Variants in ISLR2 observed in about 807,000 individuals in gnomAD.
The protein encoded by ISLR2 is immunoglobulin superfamily containing leucine-rich repeat protein 2.
In ISLR2, 16 loss-of-function variants were observed where a neutral mutation model predicts 25.5. The ratio of observed to expected loss-of-function variants is 0.63; its 90% CI spans 0.43 to 0.95. ISLR2 has a LOEUF of 0.95. Among genes scored for constraint, ISLR2 ranks in the 40% least tolerant of loss-of-function variants. The pLI, the probability that ISLR2 is intolerant of heterozygous loss-of-function variation, is 0.00. For missense variants in ISLR2, 883 were observed against 1,030.7 expected (o/e 0.86, Z 1.96); for synonymous variants, 508 against 486.6 (o/e 1.04, Z -0.58).
At chr15:74,139,340 C>G (rs1567167001), downstream of ISLR2, among the ~76,000 whole-genome samples, 1 of 152,194 alleles carries the variant, frequency 6.6e-6, no homozygotes, top group Non-Finnish European at 1.5e-5. Context: ...TGGTCCCCAG[C>G]CTCTGGCCTT....
At chr15:74,112,703 T>C (rs1261656059) in intron 2 of ISLR2, among the ~76,000 whole-genome samples, 3 of 152,050 alleles carry the variant, frequency 2.0e-5, no homozygotes, top group African/African-American at 7.2e-5. Context: ...AATTTTTGTA[T>C]TTTTAGTAGA....
downstream of ISLR2, among the ~76,000 whole-genome samples, chr15:74,139,323 C>T (rs1280224360): frequency 1.2e-4 from 19 of 152,238 alleles, no homozygotes; most frequent in Non-Finnish European, 2.8e-4. Flanking sequence ...TTGGCCAATG[C>T]ACAGAATGGT....
Position 74,133,089 on chromosome 15 carries a change from C to A in ISLR2, c.335C>A (p.Ser112Tyr). 6.2e-7 allele frequency: 1 copy of A among 1,612,924 alleles called. No homozygotes were observed. The highest frequency in any genetic ancestry group is 8.5e-7 in the Non-Finnish European group (1 of 1,179,982). ...CTCGATCTGAGCCACAACTTCATATCCAGCTTTCCGTGGAGCGACCTGCGC... is the reference window on the plus strand; with the variant it reads ...CTCGATCTGAGCCACAACTTCATATACAGCTTTCCGTGGAGCGACCTGCGC... The part of the protein sequence containing the change: ...KNLDLSHNFI[S>Y]SFPWSDLRNL... The change falls in exon 3 of 3, where the codon TCC becomes TAC. Residue 112 changes from serine to tyrosine, a missense_variant. Transcript: ENST00000453268.
upstream of ISLR2, chr15:74,130,310 A>T (rs923944272): frequency 6.6e-6 from 1 of 151,758 alleles, no homozygotes; most frequent in Admixed American, 6.6e-5. Context: ...AACACTATCA[A>T]TTATGCATCA....
At chr15:74,125,652 G>A (rs2072289215), upstream of ISLR2, among the ~76,000 whole-genome samples, 1 of 152,228 alleles carries the variant, frequency 6.6e-6, no homozygotes, top group African/African-American at 2.4e-5. Flanking sequence ...AAGAGCTGCT[G>A]TTAATTTTGA....
In ISLR2 at chr15:74,133,833, A is replaced by G; in HGVS notation, c.1079A>G (p.Glu360Gly). Residue 360 changes from glutamate (E) to glycine (G), a missense_variant, in exon 3 of 3, where the codon GAG becomes GGG. Transcript: ENST00000453268. ...AGVYTCRAHNELGANSTSIRV... is the reference protein window; with the variant it reads ...AGVYTCRAHNGLGANSTSIRV... ...GTCTACACTTGCCGTGCACACAATG[A>G]GCTGGGCGCCAACTCTACGTCAATA... 1.9e-6 allele frequency: 3 copies of G among 1,613,748 alleles called. No individual in the cohort carries two copies. The highest frequency in any genetic ancestry group is 1.7e-6 in the Non-Finnish European group (2 of 1,179,910).
At position 74,134,341 on chromosome 15, in the gene ISLR2, A is replaced by G. The variant is rs895970237; in HGVS notation, c.1587A>G (p.Leu529=). 1.5e-5 allele frequency: 23 copies of G among 1,580,884 alleles called. No individual in the cohort carries two copies. Among genetic ancestry groups the G allele is most frequent in the Non-Finnish European group, 2.0e-5 (23 of 1,166,320 alleles). ...GACCCGGGCGGCGACCCCTGCGCCT[A>G]CTCTATCTGTGTCCAGCGGGGGGCG... ...APRPGRRPLR[L]LYLCPAGGGA... The change falls in exon 3 of 3, where the codon CTA becomes CTG. Residue 529 remains leucine (L), a synonymous_variant. Transcript: ENST00000453268.
At chr15:74,118,644 C>CTATTATTATTATTATTATTAT (rs112112565) in intron 2 of ISLR2, among the ~76,000 whole-genome samples, 3 of 145,760 alleles carry the variant, frequency 2.1e-5, no homozygotes, top group African/African-American at 7.5e-5. Context: ...AAATCTGAAG[C>CTATTATTATTATTATTATTAT]TATTATTATT....
chr15:74,120,580 G>C (rs993991299), intron 2 of ISLR2, among the ~76,000 whole-genome samples: 12 of 151,960 alleles, frequency 7.9e-5, no homozygotes, highest in Middle Eastern at 3.2e-3. Flanking sequence ...GTAGGTGAGG[G>C]GGGTGTGGCT....
In ISLR2 at chr15:74,134,321, G is replaced by A. The variant is rs767321778; in HGVS notation, c.1567G>A (p.Gly523Arg). The A allele has an allele frequency of 3.8e-5, 59 of 1,533,496 alleles. No homozygotes were observed. Among genetic ancestry groups the A allele is most frequent in the Middle Eastern group, 1.9e-4 (1 of 5,364 alleles). The allele number at this position is 1,533,496 out of a possible 1,614,324, so 95.0% of individuals were successfully genotyped here. ...CGGGGCTGGCGGAGCCCCGCGACCC[G>A]GGCGGCGACCCCTGCGCCTACTCTA... Reference protein sequence around the residue: ...PGGAGGAPRPGRRPLRLLYLC... With the variant: ...PGGAGGAPRPRRRPLRLLYLC... Residue 523 changes from glycine to arginine, a missense_variant, in exon 3 of 3, where the codon GGG (glycine) becomes AGG (arginine). By Grantham distance (125) the Gly-to-Arg change is moderately radical (BLOSUM62 -2). Around this residue, in one of 2 missense-constraint regions of ISLR2, gnomAD observed 612 missense variants for 642.8 expected, o/e 0.95. Coordinates refer to ENST00000453268, the MANE Select transcript of ISLR2 (RefSeq NM_020851.3).
At chr15:74,127,933 G>C (rs1359689090), upstream of ISLR2, 2 of 157,406 alleles carry the variant, frequency 1.3e-5, no homozygotes, top group Non-Finnish European at 2.8e-5. Flanking sequence ...GTCTGGATTC[G>C]GCAGATTCTG....
At chr15:74,112,120 AT>A (rs886632244) in intron 2 of ISLR2, among the ~76,000 whole-genome samples, 1 of 152,258 alleles carries the variant, frequency 6.6e-6, no homozygotes, top group Non-Finnish European at 1.5e-5. Flanking sequence ...AAAATATTAA[AT>A]AAAAATAATA....
At chr15:74,118,238 T>C (rs575478916) in intron 2 of ISLR2, among the ~76,000 whole-genome samples, 1 of 152,208 alleles carries the variant, frequency 6.6e-6, no homozygotes, top group African/African-American at 2.4e-5. Context: ...ACCAGCAAGT[T>C]TTTATTAGTG....
downstream of ISLR2, chr15:74,138,593 C>T (rs944668466): frequency 1.3e-5 from 2 of 152,464 alleles, no homozygotes; most frequent in South Asian, 4.1e-4. Flanking sequence ...GAGAAATTGT[C>T]CTACAAAGAT....
rs1383033394 is a variant in ISLR2 at position 74,134,284 on chromosome 15, C to T, written c.1530C>T (p.Gly510=). 1.3e-6 allele frequency: 2 copies of T among 1,548,888 alleles called. No individual in the cohort carries two copies. The highest frequency in any genetic ancestry group is 2.4e-5 in the East Asian group (1 of 41,242). The change falls in exon 3 of 3, where the codon GGC becomes GGT. Residue 510 remains glycine (G), a synonymous_variant. Transcript: ENST00000453268. The part of the protein sequence containing the change: ...VQLTPLAARW[G]PGPGGAGGAP... Reference sequence around the variant, plus strand: ...TGACTCCGCTGGCTGCGCGCTGGGGCCCTGGGCCCGGCGGGGCTGGCGGAG... The same window carrying T: ...TGACTCCGCTGGCTGCGCGCTGGGGTCCTGGGCCCGGCGGGGCTGGCGGAG...
At chr15:74,110,149 C>T (rs539757147) in intron 2 of ISLR2, among the ~76,000 whole-genome samples, 1 of 152,278 alleles carries the variant, frequency 6.6e-6, no homozygotes, top group East Asian at 1.9e-4. Context: ...TGGGGAAATG[C>T]AAATTAAAAC....
upstream of ISLR2, chr15:74,129,366 G>T: frequency 4.2e-6 from 1 of 240,362 alleles, no homozygotes; most frequent in South Asian, 4.8e-5. The surrounding 1 kb of genome is among the most constrained non-coding windows in gnomAD (Gnocchi z 4.5). Context: ...TCATTAAGAT[G>T]CTCAACACTC....
upstream of ISLR2, chr15:74,130,000 C>A (rs1292333643): frequency 6.6e-6 from 1 of 152,142 alleles, no homozygotes; most frequent in Non-Finnish European, 1.5e-5. This position sits in a 1 kb window ranked among gnomAD's most constrained non-coding sequence, Gnocchi z 4.5. Flanking sequence ...GAGAGAGCTT[C>A]CCCCTGCTCC....
At chr15:74,109,776 C>T (rs563460632) in intron 2 of ISLR2, among the ~76,000 whole-genome samples, 1 of 152,224 alleles carries the variant, frequency 6.6e-6, no homozygotes, top group Admixed American at 6.5e-5. Context: ...CTTTGAGAAC[C>T]ACTAATCACA....
Sources: gnomAD v4.1 joint callset for allele counts (sites outside exome capture counted in the v4.1 genomes callset) on GRCh38, gnomAD v4.1.1 for gene constraint, gnomAD v4.1.1 regional missense constraint, Gnocchi (gnomAD v3.1) non-coding constraint, MANE v1.5 for transcripts, NCBI Gene and HGNC (gene_info 2026-07-23, HGNC 2026-07-21) for gene names.